Variants in SLF2 observed in about 807,000 individuals in gnomAD.
SLF2 encodes the protein SMC5-SMC6 complex localization factor protein 2.
SLF2 carries 68 observed loss-of-function variants against 124.3 expected under a neutral mutation model. The ratio of observed to expected loss-of-function variants is 0.55; its 90% CI spans 0.45 to 0.67. The LOEUF is 0.67. Ranked by LOEUF, SLF2 falls within the 30% of genes least tolerant of loss-of-function variation. The pLI is 0.00. For synonymous variants in SLF2, 480 were observed against 478.8 expected, an observed-to-expected ratio of 1.00 and a Z score of -0.03; for missense variants, 1,246 against 1,373.7, an observed-to-expected ratio of 0.91 and a Z score of 1.47.
chr10:100,937,291 A>G (rs996504719), intron 9 of SLF2, 111 bp from the exon 10 acceptor site: 85 of 814,378 alleles, frequency 1.0e-4, no homozygotes, highest in Middle Eastern at 2.7e-4. Flanking sequence ...GATTACAGGC[A>G]TGAACTGCTG....
intron 19 of SLF2, 91 bp from the exon 20 acceptor site, chr10:100,961,786 C>A: frequency 9.3e-7 from 1 of 1,070,612 alleles, no homozygotes; most frequent in Non-Finnish European, 1.4e-6. Context: ...TTATCAAAGC[C>A]CATTGTCTGA....
chr10:100,914,287 CTG>C (rs1221224319), intron 1 of SLF2, among the ~76,000 whole-genome samples: 3 of 151,110 alleles, frequency 2.0e-5, no homozygotes, highest in African/African-American at 4.8e-5. Flanking sequence ...GTTTGTGAAA[CTG>C]TTATAATTGT....
intron 12 of SLF2, among the ~76,000 whole-genome samples, 195 bp downstream of exon 12, chr10:100,944,323 G>T (rs982575564): frequency 1.3e-5 from 2 of 151,692 alleles, no homozygotes; most frequent in Admixed American, 6.6e-5. Flanking sequence ...GTGAAAACCC[G>T]TCTCTACTAA....
intron 6 of SLF2, among the ~76,000 whole-genome samples, chr10:100,928,041 C>CACACA (rs571731801): frequency 6.7e-5 from 3 of 45,084 alleles, no homozygotes; most frequent in East Asian, 3.2e-4. Flanking sequence ...ACCCCCCCCC[C>CACACA]CCCCCACACA....
Position 100,945,358 on chromosome 10 carries a change from CAGA to C in SLF2, c.2789_2791del (p.Glu930del). On this transcript the variant is annotated inframe_deletion, in exon 13 of 20. Transcript: ENST00000238961. The stretch of plus-strand genomic sequence containing the variant: ...CTAGGCTTGTGTACATCTATACATC[CAGA>C]AGGTTACCAGGATCGTGAAATAATG... 1 of 1,597,398 alleles carries C rather than the reference CAGA, an allele frequency of 6.3e-7. No homozygotes were observed. The highest frequency in any genetic ancestry group is 8.5e-7 in the Non-Finnish European group (1 of 1,176,070).
In SLF2 at chr10:100,924,973, G is replaced by C; in HGVS notation, c.1971+1G>C. ...TAGATCTCAGTCATCAGACTATACA[G>C]TAAGTAGTTCTGTGACGTTTATCTT... On this transcript the variant is annotated splice_donor_variant, in intron 5 of 19. Transcript: ENST00000238961. LOFTEE classifies it high-confidence loss of function. 2.5e-6 allele frequency: 4 copies of C among 1,605,516 alleles called. No individual in the cohort carries two copies. The highest frequency in any genetic ancestry group is 3.4e-6 in the Non-Finnish European group (4 of 1,176,272).
chr10:100,926,071 G>A, intron 6 of SLF2, 52 bp downstream of exon 6: 3 of 1,614,130 alleles, frequency 1.9e-6, no homozygotes, highest in Admixed American at 1.7e-5. Flanking sequence ...GCTTGTTTGT[G>A]TGGCTTACTT....
chr10:100,915,855 C>A, intron 1 of SLF2, 144 bp from the exon 2 acceptor site: 1 of 639,026 alleles, frequency 1.6e-6, no homozygotes, highest in Non-Finnish European at 2.7e-6. Context: ...AACAGTTTAG[C>A]AAAGCATTGT....
intron 15 of SLF2, 112 bp downstream of exon 15, chr10:100,947,959 C>A: frequency 1.5e-6 from 1 of 666,876 alleles, no homozygotes; most frequent in Non-Finnish European, 2.5e-6. Context: ...AGCTCTTAAG[C>A]TTGATACTGT....
intron 18 of SLF2, among the ~76,000 whole-genome samples, chr10:100,959,042 A>G (rs1219837461): frequency 6.6e-6 from 1 of 152,228 alleles, no homozygotes; most frequent in Non-Finnish European, 1.5e-5. Context: ...TGGGAAGGGA[A>G]GGCACAGAAC....
intron 15 of SLF2, among the ~76,000 whole-genome samples, chr10:100,949,104 T>C (rs1850162788): frequency 6.6e-6 from 1 of 152,204 alleles, no homozygotes; most frequent in South Asian, 2.1e-4. Context: ...CACGAGATGC[T>C]GTGGGATGGA....
intron 1 of SLF2, chr10:100,913,469 C>A: frequency 1.6e-6 from 2 of 1,288,092 alleles, no homozygotes; most frequent in Non-Finnish European, 2.0e-6. Context: ...CTAGTGACCA[C>A]CAGCCTGGAC....
intron 9 of SLF2, among the ~76,000 whole-genome samples, chr10:100,933,221 CT>C (rs1473946072): frequency 6.6e-6 from 1 of 152,192 alleles, no homozygotes; most frequent in African/African-American, 2.4e-5. Context: ...TAATTTGCCT[CT>C]TGTTGATGTG....
Position 100,924,017 on chromosome 10 carries a change from A to G in SLF2, c.1016A>G (p.Asn339Ser). 6.4e-7 allele frequency: 1 copy of G among 1,567,290 alleles called. No homozygotes were observed. The highest frequency in any genetic ancestry group is 1.7e-4 in the Middle Eastern group (1 of 5,794). The change falls in exon 5 of 20, where the codon AAC becomes AGC. Residue 339 changes from asparagine to serine, a missense_variant. Physicochemically the swap from Asn to Ser is conservative, Grantham distance 46 (BLOSUM62 1). Around this residue, in one of 3 missense-constraint regions of SLF2, gnomAD observed 698 missense variants for 708.9 expected, o/e 0.98. Coordinates refer to ENST00000238961, the MANE Select transcript of SLF2 (RefSeq NM_018121.4). ...AAATTCCCTGAAAAAAGAAAAAGGA[A>G]CTCTGTGGACTCAGATCTGAAAAGC... ...QNKFPEKRKR[N>S]SVDSDLKSTR...
chr10:100,942,553 C>G (rs1850001523), intron 11 of SLF2, among the ~76,000 whole-genome samples: 1 of 152,096 alleles, frequency 6.6e-6, no homozygotes, highest in African/African-American at 2.4e-5. Context: ...TGAAGTCTTG[C>G]TGTCGCCCAG....
chr10:100,928,903 A>T (rs1167798682), intron 6 of SLF2, among the ~76,000 whole-genome samples: 1 of 152,206 alleles, frequency 6.6e-6, no homozygotes, highest in Non-Finnish European at 1.5e-5. Flanking sequence ...TAGTTAACTT[A>T]TCAGGTTGTT....
Position 100,916,665 on chromosome 10 carries a change from T to C in SLF2, c.280T>C (p.Ser94Pro). The change falls in exon 3 of 20, where the codon TCC (serine) becomes CCC (proline). Residue 94 changes from serine (S) to proline (P), a missense_variant. Physicochemically the swap from Ser to Pro is moderately conservative, Grantham distance 74. This residue lies in a region of SLF2 where 698 missense variants were observed against 708.9 expected (regional missense o/e 0.98). Coordinates refer to ENST00000238961, the MANE Select transcript of SLF2 (RefSeq NM_018121.4). ...TGTEQFERKL[S>P]SPKESKPKRV... ...GACAGAGCAGTTTGAAAGGAAACTA[T>C]CCTCACCAAAAGAATCTAAACCCAA... 6.5e-7 allele frequency: 1 copy of C among 1,530,764 alleles called. No individual in the cohort carries two copies. The highest frequency in any genetic ancestry group is 8.7e-7 in the Non-Finnish European group (1 of 1,145,892). 94.8% of individuals were successfully genotyped at this position (1,530,764 alleles called of 1,614,324 possible).
At chr10:100,922,017 A>T (rs1163439282) in intron 4 of SLF2, among the ~76,000 whole-genome samples, 2 of 152,290 alleles carry the variant, frequency 1.3e-5, no homozygotes, top group Middle Eastern at 3.4e-3. Context: ...AATTTTTCAG[A>T]TTATATATTG....
Position 100,956,500 on chromosome 10 carries a change from A to C in SLF2, c.3380A>C (p.Asp1127Ala). The C allele has an allele frequency of 6.2e-7, 1 of 1,612,874 alleles. No homozygotes were observed. Among genetic ancestry groups the C allele is most frequent in the Non-Finnish European group, 8.5e-7 (1 of 1,179,682 alleles). The change falls in exon 18 of 20, where the codon GAT (aspartate) becomes GCT (alanine). Residue 1127 changes from aspartate to alanine, a missense_variant. Physicochemically the swap from Asp to Ala is moderately radical, Grantham distance 126. Transcript: ENST00000238961. ...GCTTTGGAAAAGCATGTTAAATGTG[A>C]TATTAGGGAAGATGCAAGACTTTTT... ...CGALEKHVKC[D>A]IREDARLFYR...
Sources: gnomAD v4.1 joint callset for allele counts (sites outside exome capture counted in the v4.1 genomes callset) on GRCh38, gnomAD v4.1.1 for gene constraint, gnomAD v4.1.1 regional missense constraint, MANE v1.5 for transcripts, NCBI Gene and HGNC (gene_info 2026-07-23, HGNC 2026-07-21) for gene names.